MMP26: variants seen among roughly 807,000 people sequenced by gnomAD.
The protein encoded by MMP26 is matrix metalloproteinase-26.
A neutral mutation model predicts 31.0 loss-of-function variants in MMP26; 33 were observed. The ratio of observed to expected loss-of-function variants is 1.06; its 90% confidence interval spans 0.81 to 1.42. MMP26 has a LOEUF of 1.42. Among genes scored for constraint, MMP26 ranks in the 40% most tolerant of loss-of-function variants. The probability of loss-of-function intolerance (pLI) is 0.00; values close to 1 mark genes in which losing one functional copy is unlikely to be tolerated. For synonymous variants in MMP26, 122 were observed against 114.9 expected (o/e 1.06, Z -0.40); for missense variants, 347 against 316.1 (o/e 1.10, Z -0.74).
At chr11:4,963,040 C>A (rs781005325) in intron 2 of MMP26, among the ~76,000 whole-genome samples, 1 of 152,068 alleles carries the variant, frequency 6.6e-6, no homozygotes, top group South Asian at 2.1e-4. Context: ...CCAAGAAAGC[C>A]CTGGGGATTC....
At chr11:4,945,551 C>A in intron 2 of MMP26, 1 of 154,194 alleles carries the variant, frequency 6.5e-6, no homozygotes, top group Admixed American at 6.4e-5. Flanking sequence ...CATTGTGAAT[C>A]AATTATAAGG....
At chr11:4,873,272 C>T (rs933376892) in intron 2 of MMP26, among the ~76,000 whole-genome samples, 1 of 152,088 alleles carries the variant, frequency 6.6e-6, no homozygotes, top group Non-Finnish European at 1.5e-5. Context: ...TTTGAGGCTG[C>T]TCATCCCTCA....
intron 4 of MMP26, 32 bp from the exon 5 acceptor site, chr11:4,990,566 G>T: frequency 6.3e-7 from 1 of 1,594,678 alleles, no homozygotes; most frequent in African/African-American, 1.3e-5. Flanking sequence ...CCATTCCTCT[G>T]AACTATTTCA....
intron 2 of MMP26, among the ~76,000 whole-genome samples, chr11:4,895,691 A>T (rs1361721156): frequency 6.6e-6 from 1 of 152,206 alleles, no homozygotes; most frequent in Non-Finnish European, 1.5e-5. Context: ...TGGTAGCACA[A>T]GGTGGGAGGA....
intron 2 of MMP26, among the ~76,000 whole-genome samples, chr11:4,801,056 C>T (rs1849174382): frequency 6.6e-6 from 1 of 152,168 alleles, no homozygotes; most frequent in African/African-American, 2.4e-5. Context: ...TTCATTTCTT[C>T]ACTTCAAGTT....
At chr11:4,705,529 G>T (rs1847763803) in intron 1 of MMP26, among the ~76,000 whole-genome samples, 1 of 152,202 alleles carries the variant, frequency 6.6e-6, no homozygotes, top group Admixed American at 6.5e-5. Context: ...GTTCCTGGTA[G>T]TCTGGTAATA....
At chr11:4,971,508 T>A (rs1846666060) in intron 2 of MMP26, among the ~76,000 whole-genome samples, 1 of 152,146 alleles carries the variant, frequency 6.6e-6, no homozygotes, top group South Asian at 2.1e-4. Flanking sequence ...AGGAGCTTGT[T>A]GTAGGGAGAG....
chr11:4,757,665 T>C (rs986947530), intron 1 of MMP26, among the ~76,000 whole-genome samples: 8 of 151,182 alleles, frequency 5.3e-5, no homozygotes, highest in East Asian at 1.9e-4. Context: ...CCAAAACATA[T>C]ATAAAAATGA....
At chr11:4,836,844 T>C (rs1351456999) in intron 2 of MMP26, among the ~76,000 whole-genome samples, 1 of 151,192 alleles carries the variant, frequency 6.6e-6, no homozygotes, top group Non-Finnish European at 1.5e-5. Flanking sequence ...TTTTTTTGTA[T>C]TTTTGGTAGA....
intron 2 of MMP26, chr11:4,907,309 C>T (rs2133565393): frequency 2.5e-6 from 3 of 1,191,364 alleles, no homozygotes; most frequent in Non-Finnish European, 3.6e-6. Flanking sequence ...TAACCAAAAG[C>T]ATGACTGCTT....
chr11:4,922,862 GA>G (rs1282601488), intron 2 of MMP26, among the ~76,000 whole-genome samples: 1 of 152,038 alleles, frequency 6.6e-6, no homozygotes, highest in Non-Finnish European at 1.5e-5. Flanking sequence ...GTTTAGTAAA[GA>G]CTATCATGAA....
intron 2 of MMP26, chr11:4,943,709 G>T (rs1052951575): frequency 5.7e-6 from 2 of 352,576 alleles, no homozygotes; most frequent in African/African-American, 2.1e-5. Context: ...ACTGTTTAAG[G>T]AGCCCCAGAG....
intron 2 of MMP26, among the ~76,000 whole-genome samples, chr11:4,785,205 A>G (rs1018962352): frequency 1.3e-5 from 2 of 152,194 alleles, no homozygotes; most frequent in South Asian, 2.1e-4. Context: ...GAAACCCTTC[A>G]GTTCTGGGAA....
chr11:4,825,212 A>G (rs1290627261), intron 2 of MMP26, among the ~76,000 whole-genome samples: 2 of 152,156 alleles, frequency 1.3e-5, no homozygotes, highest in Admixed American at 6.5e-5. Context: ...TCTGGCATAA[A>G]ATATTCAAAA....
At chr11:4,739,842 C>G (rs916894961) in intron 1 of MMP26, among the ~76,000 whole-genome samples, 1 of 151,974 alleles carries the variant, frequency 6.6e-6, no homozygotes, top group African/African-American at 2.4e-5. Flanking sequence ...AGCCATATGT[C>G]TTTGGTCTTG....
chr11:4,726,901 T>C (rs1848108418), intron 1 of MMP26, among the ~76,000 whole-genome samples: 1 of 152,072 alleles, frequency 6.6e-6, no homozygotes. Flanking sequence ...CCCTAGCTAC[T>C]CAGGAGGCTG....
intron 2 of MMP26, chr11:4,821,541 C>T (rs747026783): frequency 1.7e-5 from 27 of 1,612,114 alleles, no homozygotes; most frequent in Middle Eastern, 1.6e-4. Flanking sequence ...ATGTTGTTGC[C>T]GTCTCTGGAA....
intron 2 of MMP26, among the ~76,000 whole-genome samples, chr11:4,940,463 AT>A (rs1846191201): frequency 6.6e-6 from 1 of 152,214 alleles, no homozygotes; most frequent in Non-Finnish European, 1.5e-5. Context: ...TTTGTCAGAC[AT>A]TTTGAAAAAG....
intron 2 of MMP26, among the ~76,000 whole-genome samples, chr11:4,933,081 G>A (rs559936806): frequency 3.2e-4 from 49 of 152,140 alleles, no homozygotes; most frequent in Non-Finnish European, 5.2e-4. Flanking sequence ...AGAGAAAGCC[G>A]AAAATGCCTC....
Sources: allele counts gnomAD v4.1 joint callset (sites outside exome capture counted in the v4.1 genomes callset), GRCh38; gene constraint gnomAD v4.1.1; transcripts MANE v1.5; gene names NCBI Gene and HGNC (gene_info 2026-07-23, HGNC 2026-07-21).